SLC15A4: variants seen among roughly 807,000 people sequenced by gnomAD.
SLC15A4 encodes the protein solute carrier family 15 member 4.
A neutral mutation model predicts 46.1 loss-of-function variants in SLC15A4; 26 were observed. The observed-to-expected ratio is 0.56, with a 90% confidence interval of 0.41 to 0.78. SLC15A4 has a LOEUF of 0.78. Ranked by LOEUF, SLC15A4 falls within the 30% of genes least tolerant of loss-of-function variation. SLC15A4 has a pLI of 0.00. For missense variants in SLC15A4, 751 were observed against 755.7 expected, an observed-to-expected ratio of 0.99 and a Z score of 0.07; for synonymous variants, 370 against 333.4, an observed-to-expected ratio of 1.11 and a Z score of -1.20.
chr12:128,795,711 A>ACC (rs1351232682), intron 7 of SLC15A4, among the ~76,000 whole-genome samples: 1 of 152,244 alleles, frequency 6.6e-6, no homozygotes, highest in Non-Finnish European at 1.5e-5. Context: ...CAATGTGCAG[A>ACC]CGTGGGAACG....
intron 6 of SLC15A4, 138 bp downstream of exon 6, chr12:128,800,716 T>C: frequency 4.7e-6 from 4 of 859,622 alleles, no homozygotes; most frequent in Non-Finnish European, 5.1e-6. Context: ...GCGATTCATA[T>C]TCTAAACCAC....
chr12:128,799,486 C>T, intron 6 of SLC15A4, 69 bp from the exon 7 acceptor site: 1 of 1,555,304 alleles, frequency 6.4e-7, no homozygotes, highest in Non-Finnish European at 8.8e-7. Flanking sequence ...AAAGCTTTCA[C>T]CTAATATAGC....
rs1566061214 is a variant in SLC15A4 at position 128,823,493 on chromosome 12, G to C, written c.451C>G (p.Arg151Gly). The C allele has an allele frequency of 6.1e-6, 9 of 1,485,096 alleles. No individual in the cohort carries two copies. In the East Asian group the frequency reaches 2.6e-4, roughly 42 times the overall value. 92.0% of individuals were successfully genotyped at this position (1,485,096 alleles called of 1,614,324 possible). A position where few individuals can be genotyped will look rare whatever the true frequency, so the allele number is the denominator to read the frequency against. Residue 151 changes from arginine (R) to glycine (G), a missense_variant, in exon 1 of 8, where the codon CGC becomes GGC. By Grantham distance (125) the Arg-to-Gly change is moderately radical. Coordinates refer to ENST00000266771, the MANE Select transcript of SLC15A4 (RefSeq NM_145648.4). ...CTAPGPDAAA[R>G]CCSPATFAGL... is the part of the protein sequence containing the mutation. Reference sequence around the variant, plus strand: ...GCGAAGGTGGCCGGTGAGCAGCAGCGGGCGGCGGCGTCGGGACCAGGCGCC... The same window carrying C: ...GCGAAGGTGGCCGGTGAGCAGCAGCCGGCGGCGGCGTCGGGACCAGGCGCC...
chr12:128,805,974 G>A (rs1241555459), intron 5 of SLC15A4, among the ~76,000 whole-genome samples: 1 of 151,918 alleles, frequency 6.6e-6, no homozygotes, highest in Non-Finnish European at 1.5e-5. Flanking sequence ...GAGGTCAGGA[G>A]ATCGAGACCA....
intron 3 of SLC15A4, 70 bp from the exon 4 acceptor site, chr12:128,809,543 C>A (rs771190001): frequency 1.7e-4 from 154 of 920,528 alleles, no homozygotes; most frequent in Non-Finnish European, 2.4e-4. Context: ...CATCCTGCCC[C>A]TCCCCTAAGC....
At chr12:128,801,063 A>C in intron 5 of SLC15A4, 54 bp from the exon 6 acceptor site, 1 of 1,494,054 alleles carries the variant, frequency 6.7e-7, no homozygotes, top group Non-Finnish European at 9.0e-7. Flanking sequence ...TTTACAGTTA[A>C]TCTAAAAATC....
chr12:128,807,234 T>G (rs1396140165), intron 5 of SLC15A4, among the ~76,000 whole-genome samples: 1 of 151,868 alleles, frequency 6.6e-6, no homozygotes, highest in Non-Finnish European at 1.5e-5. Flanking sequence ...ACTGACGGAG[T>G]GCAATGGGGA....
intron 7 of SLC15A4, among the ~76,000 whole-genome samples, chr12:128,795,460 G>T (rs994663259): frequency 6.6e-6 from 1 of 152,302 alleles, no homozygotes; most frequent in Admixed American, 6.5e-5. Context: ...AAGCTATAAG[G>T]CTTGAATCCG....
chr12:128,804,294 C>CA (rs1483233163), intron 5 of SLC15A4, among the ~76,000 whole-genome samples: 2 of 152,094 alleles, frequency 1.3e-5, no homozygotes, highest in African/African-American at 4.8e-5. Flanking sequence ...AAAAGAAAAC[C>CA]AAAACCAGTT....
Position 128,800,941 on chromosome 12 carries a change from C to G in SLC15A4, c.1327G>C (p.Val443Leu). The change falls in exon 6 of 8, where the codon GTC (valine) becomes CTC (leucine). Residue 443 changes from valine (V) to leucine (L), a missense_variant. By Grantham distance (32) the Val-to-Leu change is conservative. Transcript: ENST00000266771. ...AGCGACAGATCGGCAGCATGGTAGA[C>G]GACGTTGCCGATGGTCTGATTAATG... ...KTINQTIGNV[V>L]YHAADLSLWW... is the part of the protein sequence containing the mutation. The G allele has an allele frequency of 6.2e-7, 1 of 1,614,142 alleles. No individual in the cohort carries two copies. Among genetic ancestry groups the G allele is most frequent in the Non-Finnish European group, 8.5e-7 (1 of 1,180,018 alleles).
intron 2 of SLC15A4, among the ~76,000 whole-genome samples, chr12:128,812,579 G>T (rs1183183614): frequency 3.3e-5 from 5 of 152,130 alleles, no homozygotes; most frequent in Non-Finnish European, 7.4e-5. Flanking sequence ...GCCTCCCAAA[G>T]TGCTGGGATT....
At position 128,800,926 on chromosome 12, in the gene SLC15A4, C is replaced by A; in HGVS notation, c.1342G>T (p.Asp448Tyr). The A allele has an allele frequency of 1.2e-6, 2 of 1,614,166 alleles. No individual in the cohort carries two copies. Among genetic ancestry groups the A allele is most frequent in the Non-Finnish European group, 1.7e-6 (2 of 1,180,020 alleles). Residue 448 changes from aspartate (D) to tyrosine (Y), a missense_variant, in exon 6 of 8, where the codon GAT becomes TAT. By Grantham distance (160) the Asp-to-Tyr change is radical. Coordinates refer to ENST00000266771, the MANE Select transcript of SLC15A4 (RefSeq NM_145648.4). The part of the protein sequence containing the change: ...TIGNVVYHAA[D>Y]LSLWWQVPQY... ...GGCACCTGCCACCACAGCGACAGAT[C>A]GGCAGCATGGTAGACGACGTTGCCG...
chr12:128,794,385 T>A, intron 7 of SLC15A4, 29 bp from the exon 8 acceptor site: 1 of 1,594,888 alleles, frequency 6.3e-7, no homozygotes, highest in Middle Eastern at 1.7e-4. Context: ...AAGCGGCAGG[T>A]AAGCTGCGCT....
rs778104483 is a variant in SLC15A4 at position 128,823,611 on chromosome 12, C to G, written c.333G>C (p.Ala111=). The G allele has an allele frequency of 6.8e-7, 1 of 1,464,940 alleles. No individual in the cohort carries two copies. The highest frequency in any genetic ancestry group is 9.0e-7 in the Non-Finnish European group (1 of 1,113,944). 90.7% of individuals were successfully genotyped at this position (1,464,940 alleles called of 1,614,324 possible). A position where few individuals can be genotyped will look rare whatever the true frequency, so the allele number is the denominator to read the frequency against. ...AGGCCAGCATGCCCAGCAGGTAGAG[C>G]GCCAGGCTCAGCAGGATGGCGCGCG... ...GRARAILLSL[A]LYLLGMLAFP... The change falls in exon 1 of 8, where the codon GCG becomes GCC. Residue 111 remains alanine, a synonymous_variant. Coordinates refer to ENST00000266771, the MANE Select transcript of SLC15A4 (RefSeq NM_145648.4).
chr12:128,821,896 AAAAAAAG>A (rs1331663258), intron 1 of SLC15A4, among the ~76,000 whole-genome samples: 22 of 151,970 alleles, frequency 1.4e-4, no homozygotes, highest in Admixed American at 2.0e-4. Context: ...AAAAAAAAAA[AAAAAAAG>A]AAAGAAAGAA....
At chr12:128,797,957 A>G (rs941037335) in intron 7 of SLC15A4, among the ~76,000 whole-genome samples, 1 of 152,220 alleles carries the variant, frequency 6.6e-6, no homozygotes, top group Non-Finnish European at 1.5e-5. Context: ...TCTTGAAAAC[A>G]ACAGACAGAT....
intron 2 of SLC15A4, 86 bp downstream of exon 2, chr12:128,814,689 A>G (rs1234103520): frequency 7.1e-7 from 1 of 1,403,398 alleles, no homozygotes; most frequent in Non-Finnish European, 9.8e-7. Flanking sequence ...GCACACAATA[A>G]GCACACAACA....
At chr12:128,801,581 A>G (rs1485771604) in intron 5 of SLC15A4, 1 of 152,448 alleles carries the variant, frequency 6.6e-6, no homozygotes, top group African/African-American at 2.4e-5. Flanking sequence ...AGCAGCATTG[A>G]GATCTCACTG....
intron 2 of SLC15A4, chr12:128,814,343 T>C (rs1955714653): frequency 5.5e-6 from 1 of 180,686 alleles, no homozygotes. Context: ...GTGGCTTACT[T>C]TTTAAAGAGC....
Sources: gnomAD v4.1 joint callset for allele counts (sites outside exome capture counted in the v4.1 genomes callset) on GRCh38, gnomAD v4.1.1 for gene constraint, MANE v1.5 for transcripts, NCBI Gene and HGNC (gene_info 2026-07-23, HGNC 2026-07-21) for gene names.